Variants in PCNX2 observed in about 807,000 individuals in gnomAD.
PCNX2 encodes the protein pecanex-like protein 2.
Under a neutral mutation model 223.8 loss-of-function variants are expected in PCNX2, and 168 were observed. The ratio of observed to expected loss-of-function variants is 0.75; its 90% CI spans 0.66 to 0.85. The LOEUF (loss-of-function observed/expected upper bound fraction) is 0.85, where lower values mean the gene tolerates loss of function less well. Among genes scored for constraint, PCNX2 ranks in the 40% least tolerant of loss-of-function variants. The pLI, the probability that PCNX2 is intolerant of heterozygous loss-of-function variation, is 0.00. For synonymous variants in PCNX2, 1,006 were observed against 1,052.6 expected (o/e 0.96, Z 0.86); for missense variants, 2,507 against 2,675.5 (o/e 0.94, Z 1.39).
intron 19 of PCNX2, among the ~76,000 whole-genome samples, chr1:233,157,451 C>A (rs1202311613): frequency 2.0e-5 from 3 of 152,184 alleles, no homozygotes; most frequent in Non-Finnish European, 4.4e-5. Context: ...CTGCCACCAG[C>A]CCAGTTCTAG....
At chr1:233,050,185 T>C (rs1436138204) in intron 25 of PCNX2, among the ~76,000 whole-genome samples, 1 of 152,048 alleles carries the variant, frequency 6.6e-6, no homozygotes, top group South Asian at 2.1e-4. Context: ...CGTGTATATC[T>C]ATGTAACAAA....
chr1:233,191,651 G>GT (rs112739818), intron 15 of PCNX2, among the ~76,000 whole-genome samples: 13,273 of 152,226 alleles, frequency 0.087, 1,383 homozygotes, highest in African/African-American at 0.26. Context: ...AGATTGTAAG[G>GT]CTGACTCCAA....
chr1:233,241,093 G>A, intron 8 of PCNX2: 1 of 817,460 alleles, frequency 1.2e-6, no homozygotes, highest in Non-Finnish European at 1.5e-6. Flanking sequence ...CAACATGTAG[G>A]ATGTTTAACT....
chr1:233,098,666 C>T (rs566427875), intron 21 of PCNX2, among the ~76,000 whole-genome samples: 3 of 152,302 alleles, frequency 2.0e-5, no homozygotes, highest in Non-Finnish European at 4.4e-5. Context: ...GATTCCTCTA[C>T]AACACAGTAA....
At chr1:233,020,453 G>C (rs901241050) in intron 26 of PCNX2, among the ~76,000 whole-genome samples, 1 of 152,244 alleles carries the variant, frequency 6.6e-6, no homozygotes, top group African/African-American at 2.4e-5. Context: ...GGTAAACCTA[G>C]ACTGTGCTGA....
intron 21 of PCNX2, among the ~76,000 whole-genome samples, chr1:233,113,521 C>T (rs746212695): frequency 5.3e-5 from 8 of 152,180 alleles, no homozygotes; most frequent in South Asian, 2.1e-4. Flanking sequence ...TTTTCCATCT[C>T]GGAAGCTCTC....
intron 22 of PCNX2, among the ~76,000 whole-genome samples, chr1:233,093,014 T>C (rs986455698): frequency 6.6e-6 from 1 of 152,160 alleles, no homozygotes; most frequent in Non-Finnish European, 1.5e-5. Flanking sequence ...TTAGCCAGGA[T>C]GGTCTCAATC....
chr1:233,069,259 A>G (rs1328747550), intron 23 of PCNX2, among the ~76,000 whole-genome samples: 1 of 152,188 alleles, frequency 6.6e-6, no homozygotes, highest in East Asian at 1.9e-4. Context: ...ACAATTATAG[A>G]TGGAGACTTA....
chr1:233,019,437 G>C (rs1397448587), intron 26 of PCNX2, among the ~76,000 whole-genome samples: 2 of 152,174 alleles, frequency 1.3e-5, no homozygotes, highest in Non-Finnish European at 1.5e-5. Flanking sequence ...GAGTGATGGA[G>C]AAAGAGGTCA....
chr1:233,222,756 T>C (rs1016768738), intron 10 of PCNX2, among the ~76,000 whole-genome samples: 5 of 152,102 alleles, frequency 3.3e-5, no homozygotes, highest in Non-Finnish European at 1.5e-5. Flanking sequence ...GACTCCAAGA[T>C]ATTTAAGCAG....
At chr1:232,988,512 C>T (rs938369543) in intron 32 of PCNX2, among the ~76,000 whole-genome samples, 1 of 152,022 alleles carries the variant, frequency 6.6e-6, no homozygotes, top group Non-Finnish European at 1.5e-5. Context: ...CATTATTTTA[C>T]AATTTAACTT....
intron 13 of PCNX2, 117 bp from the exon 14 acceptor site, chr1:233,200,381 A>AAATTT: frequency 2.3e-6 from 1 of 429,188 alleles, no homozygotes; most frequent in Non-Finnish European, 3.8e-6. Context: ...ACTGGAGGCA[A>AAATTT]TCTTTTTTTT....
At chr1:233,221,153 A>C (rs899030774) in intron 10 of PCNX2, among the ~76,000 whole-genome samples, 1 of 152,132 alleles carries the variant, frequency 6.6e-6, no homozygotes, top group African/African-American at 2.4e-5. Flanking sequence ...AATATATAGA[A>C]AGGCTGAGTA....
chr1:233,249,681 A>G (rs1025982398), intron 8 of PCNX2, among the ~76,000 whole-genome samples: 3 of 152,370 alleles, frequency 2.0e-5, no homozygotes, highest in African/African-American at 7.2e-5. Context: ...CTTTGGGCAC[A>G]TGCAGTCTGC....
intron 21 of PCNX2, among the ~76,000 whole-genome samples, chr1:233,109,840 C>T (rs553422896): frequency 5.9e-5 from 9 of 152,312 alleles, no homozygotes; most frequent in African/African-American, 1.4e-4. Flanking sequence ...TCAGGCAGGG[C>T]GCAGTGGCTC....
chr1:233,059,741 G>T (rs1170386547), intron 23 of PCNX2, among the ~76,000 whole-genome samples: 1 of 152,160 alleles, frequency 6.6e-6, no homozygotes, highest in Non-Finnish European at 1.5e-5. Flanking sequence ...TATTTGCTAA[G>T]AAGAAACAAG....
upstream of PCNX2, among the ~76,000 whole-genome samples, chr1:233,298,138 C>T (rs139643986): frequency 3.3e-3 from 501 of 151,968 alleles, 3 homozygotes; most frequent in African/African-American, 0.011. Flanking sequence ...TCCCATAAAA[C>T]GGGATGATAA....
chr1:233,001,561 G>T lies in PCNX2; in HGVS notation c.5073C>A (p.Ile1691=). The change falls in exon 29 of 34, where the codon ATC becomes ATA. Residue 1691 remains isoleucine, a synonymous_variant. Coordinates refer to ENST00000258229, the MANE Select transcript of PCNX2 (RefSeq NM_014801.4). The surrounding 1 kb of genome is among the most constrained non-coding windows in gnomAD (Gnocchi z 4.2). ...DLLHKVVAPA[I]RMSLKLHQDQ... ...CCTGGTGAAGTTTCAGGGACATCCT[G>T]ATAGCTGGAGCTACAACTTTATGCA... 2 of 1,469,862 alleles carry T rather than the reference G, an allele frequency of 1.4e-6. No individual in the cohort carries two copies. Among genetic ancestry groups the T allele is most frequent in the South Asian group, 1.5e-5 (1 of 65,856 alleles). 91.1% of individuals were successfully genotyped at this position (1,469,862 alleles called of 1,614,324 possible). A position where few individuals can be genotyped will look rare whatever the true frequency, so the allele number is the denominator to read the frequency against.
At chr1:233,284,878 C>T in intron 1 of PCNX2, 1 of 870,748 alleles carries the variant, frequency 1.1e-6, no homozygotes, top group Non-Finnish European at 1.4e-6. Context: ...CTCAGTGTCC[C>T]TCAACCATAG....
Sources: allele counts gnomAD v4.1 joint callset (sites outside exome capture counted in the v4.1 genomes callset), GRCh38; gene constraint gnomAD v4.1.1; non-coding constraint Gnocchi (gnomAD v3.1); transcripts MANE v1.5; gene names NCBI Gene and HGNC (gene_info 2026-07-23, HGNC 2026-07-21).